C8orf34: variants seen among roughly 807,000 people sequenced by gnomAD.
C8orf34 encodes the protein uncharacterized protein C8orf34.
Under a neutral mutation model 68.3 loss-of-function variants are expected in C8orf34, and 65 were observed. That is an observed-to-expected ratio of 0.95 (90% CI 0.78 to 1.17). The LOEUF (loss-of-function observed/expected upper bound fraction) is 1.17. Among genes scored for constraint, C8orf34 ranks in the 50% most tolerant of loss-of-function variants. The pLI is 0.00. For missense variants in C8orf34, 664 were observed against 655.4 expected (o/e 1.01, Z -0.14); for synonymous variants, 244 against 241.2 (o/e 1.01, Z -0.11).
intron 12 of C8orf34, among the ~76,000 whole-genome samples, chr8:68,803,125 G>A (rs1203805543): frequency 2.0e-5 from 3 of 151,880 alleles, no homozygotes; most frequent in African/African-American, 7.3e-5. Flanking sequence ...AATACAAGAG[G>A]AAACACTTCC....
chr8:68,427,634 C>T (rs1014323222), intron 1 of C8orf34, among the ~76,000 whole-genome samples: 3 of 151,902 alleles, frequency 2.0e-5, no homozygotes, highest in African/African-American at 7.3e-5. Context: ...GCAGTGGTTA[C>T]AGGTAGTCAC....
chr8:68,706,430 A>G (rs1821167992), intron 8 of C8orf34, among the ~76,000 whole-genome samples: 1 of 151,942 alleles, frequency 6.6e-6, no homozygotes, highest in South Asian at 2.1e-4. Flanking sequence ...AAGGAGGTGA[A>G]TTTGTTTTCG....
intron 8 of C8orf34, among the ~76,000 whole-genome samples, chr8:68,652,734 A>C (rs545323071): frequency 1.3e-5 from 2 of 152,266 alleles, no homozygotes; most frequent in South Asian, 4.1e-4. Flanking sequence ...GTGCTTTCTA[A>C]TATAATAAAT....
chr8:68,696,237 A>G (rs905276796), intron 8 of C8orf34, among the ~76,000 whole-genome samples: 2 of 148,214 alleles, frequency 1.3e-5, no homozygotes, highest in African/African-American at 2.4e-5. Flanking sequence ...TAATAAATAT[A>G]TAATAAAATA....
chr8:68,522,043 C>T (rs1377055466), intron 6 of C8orf34, 72 bp downstream of exon 6: 1 of 1,382,094 alleles, frequency 7.2e-7, no homozygotes, highest in African/African-American at 1.5e-5. Context: ...AACCCAAGTT[C>T]ATGGTTTTTA....
chr8:68,554,392 G>A (rs537260938), intron 7 of C8orf34, among the ~76,000 whole-genome samples: 10 of 151,936 alleles, frequency 6.6e-5, no homozygotes, highest in Non-Finnish European at 1.5e-4. Context: ...AATTCTTTTA[G>A]CTATTATGGA....
chr8:68,392,787 T>C (rs540664533), intron 1 of C8orf34, among the ~76,000 whole-genome samples: 2 of 152,248 alleles, frequency 1.3e-5, no homozygotes, highest in South Asian at 4.1e-4. Flanking sequence ...TAGAGTCCTA[T>C]TTTCTTCTTT....
intron 1 of C8orf34, among the ~76,000 whole-genome samples, chr8:68,388,586 C>G (rs1172490319): frequency 6.6e-6 from 1 of 152,056 alleles, no homozygotes; most frequent in Non-Finnish European, 1.5e-5. Flanking sequence ...TTTAGCCAGC[C>G]TGAGGCAATA....
chr8:68,532,995 G>A lies in C8orf34; in HGVS notation c.951G>A (p.Glu317=), dbSNP rs1188958156. 7 of 1,590,886 alleles carry A rather than the reference G, an allele frequency of 4.4e-6. No homozygotes were observed. Among genetic ancestry groups the A allele is most frequent in the Middle Eastern group, 1.7e-4 (1 of 5,984 alleles). ...AATATTTCTTCAGCTTAAAGATGGA[G>A]CCTAAGAACAAAGGATTAAAACAGC... ...GSSPAGSLKM[E]PKNKGLKQQQ... The change falls in exon 7 of 14, where the codon GAG becomes GAA. Residue 317 remains glutamate (E), a synonymous_variant. Transcript: ENST00000518698.
intron 1 of C8orf34, among the ~76,000 whole-genome samples, chr8:68,383,288 T>C (rs1808120665): frequency 6.6e-6 from 1 of 152,212 alleles, no homozygotes; most frequent in African/African-American, 2.4e-5. Context: ...AGGGGAAACA[T>C]TTGCCTAAAT....
chr8:68,809,756 C>A (rs1169413955), intron 12 of C8orf34, among the ~76,000 whole-genome samples: 1 of 152,138 alleles, frequency 6.6e-6, no homozygotes, highest in South Asian at 2.1e-4. Context: ...ACTATTCCCT[C>A]GAGCAGATGT....
At chr8:68,723,768 A>T (rs1228580431) in intron 10 of C8orf34, among the ~76,000 whole-genome samples, 1 of 152,114 alleles carries the variant, frequency 6.6e-6, no homozygotes, top group Non-Finnish European at 1.5e-5. Context: ...TCCTGTCTTT[A>T]GTATTTGGCT....
chr8:68,454,146 A>G (rs569264025), intron 3 of C8orf34, among the ~76,000 whole-genome samples: 4 of 152,094 alleles, frequency 2.6e-5, no homozygotes, highest in African/African-American at 7.2e-5. Context: ...AATCCTTTTA[A>G]TATGCTGCTG....
At chr8:68,545,467 A>G (rs1264126920) in intron 7 of C8orf34, among the ~76,000 whole-genome samples, 1 of 152,192 alleles carries the variant, frequency 6.6e-6, no homozygotes, top group South Asian at 2.1e-4. Context: ...AAATTCAGTT[A>G]TAGATAGAAA....
intron 7 of C8orf34, among the ~76,000 whole-genome samples, chr8:68,560,186 T>C (rs1325959723): frequency 6.6e-6 from 1 of 151,670 alleles, no homozygotes; most frequent in Non-Finnish European, 1.5e-5. Flanking sequence ...AGTGGCAGAC[T>C]GGAAGATGTA....
At chr8:68,515,382 CTT>C (rs368541535) in intron 5 of C8orf34, among the ~76,000 whole-genome samples, 55 of 138,544 alleles carry the variant, frequency 4.0e-4, no homozygotes, top group African/African-American at 1.3e-3. Context: ...TCTTTTTTTT[CTT>C]TTTTTTTTTA....
chr8:68,358,751 G>A (rs1806857599), intron 1 of C8orf34, among the ~76,000 whole-genome samples: 2 of 151,462 alleles, frequency 1.3e-5, no homozygotes, highest in Non-Finnish European at 2.9e-5. Flanking sequence ...TGTCACTTGG[G>A]CTGGAGTGCA....
intron 8 of C8orf34, among the ~76,000 whole-genome samples, chr8:68,648,371 T>C (rs1819242416): frequency 6.6e-6 from 1 of 152,238 alleles, no homozygotes; most frequent in Non-Finnish European, 1.5e-5. Flanking sequence ...ATTTAATGTC[T>C]TGAATTTTGT....
intron 10 of C8orf34, among the ~76,000 whole-genome samples, chr8:68,759,628 G>C (rs1169142705): frequency 1.3e-5 from 2 of 152,214 alleles, no homozygotes; most frequent in African/African-American, 4.8e-5. Flanking sequence ...TGAATAAGTG[G>C]TGTGTTTGTT....
Sources: gnomAD v4.1 joint callset for allele counts (sites outside exome capture counted in the v4.1 genomes callset) on GRCh38, gnomAD v4.1.1 for gene constraint, MANE v1.5 for transcripts, NCBI Gene and HGNC (gene_info 2026-07-23, HGNC 2026-07-21) for gene names.